Variants in SOX6 observed in about 807,000 individuals in gnomAD.
SOX6 encodes transcription factor SOX-6.
Under a neutral mutation model 97.8 loss-of-function variants are expected in SOX6, and 11 were observed. The observed-to-expected ratio is 0.11, with a 90% CI of 0.07 to 0.19. The LOEUF (loss-of-function observed/expected upper bound fraction) is 0.19. Among genes scored for constraint, SOX6 ranks in the 10% least tolerant of loss-of-function variants. The probability of loss-of-function intolerance (pLI) is 1.00; values close to 1 mark genes in which losing one functional copy is unlikely to be tolerated. For missense variants in SOX6, 810 were observed against 1,039.5 expected, an observed-to-expected ratio of 0.78 and a Z score of 3.04; for synonymous variants, 360 against 371.4, an observed-to-expected ratio of 0.97 and a Z score of 0.35.
chr11:16,579,608 A>C (rs1363956866), intron 4 of SOX6, among the ~76,000 whole-genome samples: 1 of 152,124 alleles, frequency 6.6e-6, no homozygotes, highest in Non-Finnish European at 1.5e-5. Context: ...ATGTCTGTGA[A>C]AATCATCTAC....
Position 16,287,816 on chromosome 11 carries a change from C to G in SOX6, c.445+30630G>C, listed in dbSNP as rs146178122. Among the ~76,000 whole-genome samples the G allele has an allele frequency of 4.3e-3, 659 of 152,214 alleles. 5 individuals carry two copies. The highest frequency in any genetic ancestry group is 0.014 in the African/African-American group (599 of 41,564). ...AGTCAAGCCATTACACATTTGACCC[C>G]ACACTGGGAAGCTTTGTTGGGCCTT... On this transcript the variant is annotated intron_variant, in intron 3 of 15. Transcript: ENST00000683767.
intron 7 of SOX6, among the ~76,000 whole-genome samples, chr11:16,101,739 C>A (rs78256605): frequency 0.038 from 5,771 of 151,660 alleles, 355 homozygotes; most frequent in African/African-American, 0.13. Context: ...GAAATCAATA[C>A]ACATGATACA....
chr11:16,141,828 C>A (rs908394204), intron 6 of SOX6, among the ~76,000 whole-genome samples: 2 of 152,076 alleles, frequency 1.3e-5, no homozygotes, highest in Non-Finnish European at 2.9e-5. Context: ...CATTGCTGAG[C>A]CTTGAGTTGG....
intron 12 of SOX6, among the ~76,000 whole-genome samples, chr11:16,018,259 C>T (rs946120484): frequency 6.6e-6 from 1 of 152,072 alleles, no homozygotes; most frequent in South Asian, 2.1e-4. Context: ...AGATAGACTG[C>T]TGTATTATTA....
At chr11:16,288,349 C>T (rs1262308273) in intron 3 of SOX6, among the ~76,000 whole-genome samples, 2 of 152,028 alleles carry the variant, frequency 1.3e-5, no homozygotes, top group Admixed American at 6.6e-5. Context: ...ACCTGGTGAA[C>T]CTGCTCTTTT....
rs1305804366 is a variant in SOX6, at chr11:16,156,428, A to G, written c.777+27458T>C. Among the ~76,000 whole-genome samples the G allele has an allele frequency of 3.9e-5, 6 of 152,078 alleles. No homozygotes were observed. The East Asian group carries it at 1.2e-3, about 29-fold the overall frequency. Reference sequence around the variant, plus strand: ...TCTCATATTTCTAGGCAAACTCATTATTATCCACCTGATAATGATTCCTAA... The same window carrying G: ...TCTCATATTTCTAGGCAAACTCATTGTTATCCACCTGATAATGATTCCTAA... On this transcript the variant is annotated intron_variant, in intron 6 of 15. Transcript: ENST00000683767.
rs542653072 is a variant in SOX6, at chr11:16,055,832, G to A, written c.1171C>T (p.Pro391Ser). The change falls in exon 10 of 16, where the codon CCA becomes TCA. Residue 391 changes from proline (P) to serine (S), a missense_variant. Coordinates refer to ENST00000683767, the MANE Select transcript of SOX6 (RefSeq NM_001367873.1). ...GAGACCGTCCCTGCTGTGTTTGGTG[G>A]CTGTGGAGTTGATGGCATCTTTGCT... ...PGAKMPSTPQ[P>S]PNTAGTVSPT... 2 of 1,613,662 alleles carry A rather than the reference G, an allele frequency of 1.2e-6. No individual in the cohort carries two copies. Among genetic ancestry groups the A allele is most frequent in the African/African-American group, 2.7e-5 (2 of 74,874 alleles).
chr11:16,214,768 G>A lies in SOX6; in HGVS notation c.535+19814C>T, dbSNP rs564627374. Among the ~76,000 whole-genome samples, 6 of 47,096 alleles carry A rather than the reference G, an allele frequency of 1.3e-4. No homozygotes were observed. The South Asian group carries it at 3.7e-3, about 29-fold the overall frequency. 30.9% of individuals were successfully genotyped at this position (47,096 alleles called of 152,430 possible). On this transcript the variant is annotated intron_variant, in intron 4 of 15. Transcript: ENST00000683767. ...CCAATTTTTTTTTTTTTTTTTTTTT[G>A]AGACGGAGTTTCGCTCTTTTGCCCA...
At chr11:16,109,344 G>A (rs1293196944) in intron 7 of SOX6, among the ~76,000 whole-genome samples, 1 of 152,122 alleles carries the variant, frequency 6.6e-6, no homozygotes, top group African/African-American at 2.4e-5. Context: ...AGGACTACAG[G>A]TGAACACCAC....
At chr11:16,402,579 CAAAG>C in intron 1 of SOX6, 2 of 1,415,848 alleles carry the variant, frequency 1.4e-6, no homozygotes, top group Admixed American at 3.4e-5. Flanking sequence ...GAGATGGTGA[CAAAG>C]AAATATCGCT....
intron 4 of SOX6, among the ~76,000 whole-genome samples, chr11:16,549,915 A>C (rs978962360): frequency 6.6e-6 from 1 of 152,174 alleles, no homozygotes; most frequent in African/African-American, 2.4e-5. Flanking sequence ...AGACAGAAAT[A>C]TGAACAGTGG....
intron 3 of SOX6, among the ~76,000 whole-genome samples, chr11:16,253,100 C>T (rs954377061): frequency 3.3e-5 from 5 of 152,154 alleles, no homozygotes; most frequent in Admixed American, 6.5e-5. Context: ...GTAATCCCAG[C>T]ACTTTGGGAG....
chr11:16,484,346 A>C, intron 4 of SOX6: 2 of 837,884 alleles, frequency 2.4e-6, no homozygotes, highest in Non-Finnish European at 4.2e-6. Context: ...CCAGTGAATA[A>C]GGTAAGGATC....
chr11:16,065,840 G>C (rs890072437), intron 9 of SOX6, among the ~76,000 whole-genome samples: 3 of 152,124 alleles, frequency 2.0e-5, no homozygotes, highest in African/African-American at 4.8e-5. Context: ...AACTCTCCAG[G>C]ATATGGGTCT....
Position 16,068,378 on chromosome 11 carries a change from C to T in SOX6, c.1102-12477G>A, listed in dbSNP as rs527487937. Among the ~76,000 whole-genome samples, 22 of 151,836 alleles carry T rather than the reference C, an allele frequency of 1.4e-4. No individual in the cohort carries two copies. The South Asian group carries it at 3.5e-3, about 24-fold the overall frequency. On this transcript the variant is annotated intron_variant, in intron 9 of 15. Coordinates refer to ENST00000683767, the MANE Select transcript of SOX6 (RefSeq NM_001367873.1). ...CACAGAGAAGAAAGTGTGTCCATAA[C>T]GAGTCATTACAGACTGAAAGGAAGG...
At chr11:16,412,774 G>T (rs888778776) in intron 1 of SOX6, among the ~76,000 whole-genome samples, 2 of 152,086 alleles carry the variant, frequency 1.3e-5, no homozygotes, top group African/African-American at 4.8e-5. Context: ...CCTTTCAGTG[G>T]CAAAGATGAC....
intron 1 of SOX6, among the ~76,000 whole-genome samples, chr11:16,429,370 G>A (rs1859224359): frequency 6.6e-6 from 1 of 152,168 alleles, no homozygotes; most frequent in African/African-American, 2.4e-5. Context: ...AAAGACACAT[G>A]CAAGTGTATG....
intron 13 of SOX6, among the ~76,000 whole-genome samples, chr11:16,013,259 G>GA (rs1209885351): frequency 6.6e-6 from 1 of 151,988 alleles, no homozygotes; most frequent in African/African-American, 2.4e-5. Context: ...CCAAAGTAAT[G>GA]AAAAATATTT....
At chr11:16,306,315 G>C (rs933192193) in intron 3 of SOX6, among the ~76,000 whole-genome samples, 2 of 152,142 alleles carry the variant, frequency 1.3e-5, no homozygotes, top group Admixed American at 1.3e-4. Flanking sequence ...TTAAAAAAGA[G>C]CAAACAGCAT....
Sources: gnomAD v4.1 joint callset for allele counts (sites outside exome capture counted in the v4.1 genomes callset) on GRCh38, gnomAD v4.1.1 for gene constraint, MANE v1.5 for transcripts, NCBI Gene and HGNC (gene_info 2026-07-23, HGNC 2026-07-21) for gene names.